The following ERC1 variants were observed in gnomAD, a reference collection of about 807,000 sequenced individuals.
ERC1 encodes ELKS/RAB6-interacting/CAST family member 1.
Under a neutral mutation model 132.0 loss-of-function variants are expected in ERC1, and 56 were observed. That is an observed-to-expected ratio of 0.42 (90% confidence interval 0.34 to 0.53). ERC1 has a LOEUF of 0.53. Among genes scored for constraint, ERC1 ranks in the 20% least tolerant of loss-of-function variants. The pLI, the probability that ERC1 is intolerant of heterozygous loss-of-function variation, is 0.03. For synonymous variants in ERC1, 478 were observed against 476.1 expected (o/e 1.00, Z -0.05); for missense variants, 1,202 against 1,349.9 (o/e 0.89, Z 1.72).
intron 12 of ERC1, among the ~76,000 whole-genome samples, chr12:1,216,115 C>T (rs1407579219): frequency 6.6e-6 from 1 of 152,112 alleles, no homozygotes; most frequent in East Asian, 1.9e-4. Context: ...CCTCTCCTTC[C>T]TTCTTTCCGT....
At chr12:1,460,887 T>C (rs1422454658) in intron 18 of ERC1, among the ~76,000 whole-genome samples, 2 of 145,506 alleles carry the variant, frequency 1.4e-5, no homozygotes, top group East Asian at 4.1e-4. Flanking sequence ...AAAGGAGGAA[T>C]GAAAAATGAA....
At chr12:1,327,780 A>T (rs1031337875) in intron 15 of ERC1, among the ~76,000 whole-genome samples, 1 of 152,156 alleles carries the variant, frequency 6.6e-6, no homozygotes. Flanking sequence ...TCAACTGCCA[A>T]CTGCACCTGA....
At chr12:1,151,953 C>G (rs1011496290) in intron 8 of ERC1, 1 of 152,396 alleles carries the variant, frequency 6.6e-6, no homozygotes, top group African/African-American at 2.4e-5. Flanking sequence ...AATCCCAGCA[C>G]TTTGGGAGAC....
rs1014919133 is a variant in ERC1, at chr12:1,184,474, A to G, written c.2157+1053A>G. Among the ~76,000 whole-genome samples, 3 of 152,210 alleles carry G rather than the reference A, an allele frequency of 2.0e-5. No individual in the cohort carries two copies. The East Asian group carries it at 5.8e-4, about 29-fold the overall frequency. ...TTGGCGTATTTTCTTCTTGGAAACT[A>G]TTACTGTATTATTAGTGTTCTAATT... On this transcript the variant is annotated intron_variant, in intron 11 of 18. Coordinates refer to ENST00000360905, the MANE Select transcript of ERC1 (RefSeq NM_178040.4).
chr12:1,073,468 A>T (rs889975076), intron 2 of ERC1, among the ~76,000 whole-genome samples: 7 of 151,804 alleles, frequency 4.6e-5, no homozygotes, highest in Non-Finnish European at 1.0e-4. Flanking sequence ...CCTGGCCAGC[A>T]TGGCAAAACT....
chr12:1,224,234 C>G (rs1406445153), intron 12 of ERC1, among the ~76,000 whole-genome samples: 1 of 152,120 alleles, frequency 6.6e-6, no homozygotes, highest in Non-Finnish European at 1.5e-5. Flanking sequence ...TGCATACATT[C>G]ATAAAACCAT....
At position 1,122,623 on chromosome 12, in the gene ERC1, G is replaced by GATA. The variant is rs1566022011; in HGVS notation, c.1569+6590_1569+6591insATA. ...TGTGTCTCTATCTCTATCTCTATCT[G>GATA]TGTCTCTATCTCTATCTCTATCTCT... On this transcript the variant is annotated intron_variant, in intron 7 of 18. Transcript: ENST00000360905. Among the ~76,000 whole-genome samples the GATA allele has an allele frequency of 7.4e-4, 3 of 4,070 alleles. 1 individual carries two copies. The highest frequency in any genetic ancestry group is 2.5e-3 in the Non-Finnish European group (2 of 808). 2.7% of individuals were successfully genotyped at this position (4,070 alleles called of 152,430 possible).
At chr12:1,467,450 G>A (rs564250558) in intron 18 of ERC1, among the ~76,000 whole-genome samples, 1 of 152,240 alleles carries the variant, frequency 6.6e-6, no homozygotes, top group Non-Finnish European at 1.5e-5. Context: ...TTAAAAACCA[G>A]CTTAACCTCT....
intron 16 of ERC1, among the ~76,000 whole-genome samples, chr12:1,381,758 A>G (rs1468346938): frequency 1.3e-5 from 2 of 152,082 alleles, no homozygotes; most frequent in African/African-American, 4.8e-5. Flanking sequence ...CTCAATCTCC[A>G]CTTTAAACTT....
At chr12:1,138,212 T>C (rs1949521643) in intron 7 of ERC1, among the ~76,000 whole-genome samples, 2 of 112,848 alleles carry the variant, frequency 1.8e-5, no homozygotes, top group Admixed American at 9.7e-5. Flanking sequence ...TGATATATAT[T>C]ATATAATATA....
At chr12:1,204,929 A>G (rs142063640) in intron 12 of ERC1, among the ~76,000 whole-genome samples, 16 of 152,318 alleles carry the variant, frequency 1.1e-4, no homozygotes, top group African/African-American at 3.8e-4. Flanking sequence ...TGAATTATTT[A>G]CTGAGACGAA....
intron 15 of ERC1, among the ~76,000 whole-genome samples, chr12:1,360,800 G>C (rs1052131347): frequency 1.3e-5 from 2 of 152,068 alleles, no homozygotes; most frequent in Non-Finnish European, 2.9e-5. Context: ...AGGAAATACA[G>C]GGCTGGGTAC....
At chr12:1,281,881 G>A (rs2078702052) in intron 14 of ERC1, among the ~76,000 whole-genome samples, 1 of 152,144 alleles carries the variant, frequency 6.6e-6, no homozygotes. Context: ...TCTAACATCA[G>A]TGACGCAAGA....
At chr12:1,481,882 T>A (rs763890211) in intron 18 of ERC1, among the ~76,000 whole-genome samples, 3 of 152,188 alleles carry the variant, frequency 2.0e-5, no homozygotes, top group Admixed American at 1.3e-4. Flanking sequence ...GTGTAGGTAA[T>A]AATCACATTT....
rs567778216 is a variant in ERC1, at chr12:1,252,673, G to A, written c.2488-10361G>A. On this transcript the variant is annotated intron_variant, in intron 13 of 18. Transcript: ENST00000360905. Reference sequence around the variant, plus strand: ...TAACAGAGCACCACTCTTAACTGAGGGGAGACATTTGAGGTGTTTTAAGGA... The same window carrying A: ...TAACAGAGCACCACTCTTAACTGAGAGGAGACATTTGAGGTGTTTTAAGGA... Among the ~76,000 whole-genome samples the A allele has an allele frequency of 7.9e-5, 12 of 152,234 alleles. No individual in the cohort carries two copies. The South Asian group carries it at 2.5e-3, about 32-fold the overall frequency.
chr12:1,126,055 G>A (rs1292999327), intron 7 of ERC1, among the ~76,000 whole-genome samples: 1 of 152,172 alleles, frequency 6.6e-6, no homozygotes, highest in Non-Finnish European at 1.5e-5. Flanking sequence ...CTGGAGATTG[G>A]TTGCACAACA....
intron 17 of ERC1, among the ~76,000 whole-genome samples, chr12:1,408,868 C>T (rs1342118291): frequency 6.6e-6 from 1 of 152,144 alleles, no homozygotes; most frequent in Non-Finnish European, 1.5e-5. Flanking sequence ...GGGAACTCTC[C>T]CCAAATCTTG....
chr12:1,234,925 T>A (rs1334347785), intron 12 of ERC1, among the ~76,000 whole-genome samples: 1 of 152,190 alleles, frequency 6.6e-6, no homozygotes, highest in African/African-American at 2.4e-5. Context: ...ATATGCAACC[T>A]CGGTTTCAGA....
chr12:1,341,089 T>A lies in ERC1; in HGVS notation c.2781-30744T>A, dbSNP rs1419259181. ...TTTTTCTTTTTTTTTTTTTTTTTTT[T>A]TTTTTTTTTTTTTTTTTTTTTTGAG... On this transcript the variant is annotated intron_variant, in intron 15 of 18. Transcript: ENST00000360905. 1.1e-3 allele frequency among the ~76,000 whole-genome samples: 79 copies of A among 74,230 alleles called. 1 individual carries two copies. Among genetic ancestry groups the A allele is most frequent in the South Asian group, 4.1e-3 (8 of 1,938 alleles). The allele number at this position is 74,230 out of a possible 152,430, so 48.7% of individuals were successfully genotyped here.
Sources: gnomAD v4.1 joint callset for allele counts (sites outside exome capture counted in the v4.1 genomes callset) on GRCh38, gnomAD v4.1.1 for gene constraint, MANE v1.5 for transcripts, NCBI Gene and HGNC (gene_info 2026-07-23, HGNC 2026-07-21) for gene names.